Variants in LAMP3 observed in about 807,000 individuals in gnomAD.
The protein encoded by LAMP3 is lysosome-associated membrane glycoprotein 3.
A neutral mutation model predicts 34.8 loss-of-function variants in LAMP3; 26 were observed. That is an observed-to-expected ratio of 0.75 (90% confidence interval 0.55 to 1.04). The LOEUF (loss-of-function observed/expected upper bound fraction) is 1.04. Among genes scored for constraint, LAMP3 ranks in the 50% least tolerant of loss-of-function variants. The pLI is 0.00. For missense variants in LAMP3, 495 were observed against 524.0 expected, an observed-to-expected ratio of 0.94 and a Z score of 0.54; for synonymous variants, 180 against 201.9, an observed-to-expected ratio of 0.89 and a Z score of 0.92.
intron 5 of LAMP3, among the ~76,000 whole-genome samples, chr3:183,126,262 C>G (rs1719776917): frequency 8.0e-6 from 1 of 124,344 alleles, no homozygotes; most frequent in South Asian, 2.5e-4. Flanking sequence ...ACAGAAGTTC[C>G]TTAAGCTCCG....
At chr3:183,141,717 G>T (rs1720290263) in intron 3 of LAMP3, among the ~76,000 whole-genome samples, 1 of 152,168 alleles carries the variant, frequency 6.6e-6, no homozygotes, top group Admixed American at 6.5e-5. Context: ...CATTGATACT[G>T]ATACACTGAG....
rs111747229 is a variant in LAMP3, at chr3:183,126,534, A to ATGTGTGTG, written c.1118-2328_1118-2321dup. Among the ~76,000 whole-genome samples, 294 of 149,740 alleles carry ATGTGTGTG rather than the reference A, an allele frequency of 2.0e-3. 1 individual carries two copies. The highest frequency in any genetic ancestry group is 6.2e-3 in the African/African-American group (254 of 40,788). ...TTTTGGGCATGTAGTTCCTCTGTGA[A>ATGTGTGTG]TGTGTGTGTGTGTGTGTGTGTGTGT... On this transcript the variant is annotated intron_variant, in intron 5 of 5. Transcript: ENST00000265598.
In LAMP3 at chr3:183,123,808, A is replaced by T. The variant is rs1719721692; in HGVS notation, c.*273T>A. 2.5e-6 allele frequency: 1 copy of T among 397,494 alleles called. No homozygotes were observed. The highest frequency in any genetic ancestry group is 2.6e-5 in the South Asian group (1 of 37,960). 24.6% of individuals were successfully genotyped at this position (397,494 alleles called of 1,614,324 possible). On this transcript the variant is annotated 3_prime_UTR_variant, in exon 6 of 6. Transcript: ENST00000265598. Reference sequence around the variant, plus strand: ...TTTACATATATTATGTTAATTCAACATATCTCAAATGTTGACTTTGAGTGG... The same window carrying T: ...TTTACATATATTATGTTAATTCAACTTATCTCAAATGTTGACTTTGAGTGG...
At chr3:183,160,099 A>G (rs1009254960) in intron 1 of LAMP3, among the ~76,000 whole-genome samples, 1 of 152,232 alleles carries the variant, frequency 6.6e-6, no homozygotes, top group African/African-American at 2.4e-5. Flanking sequence ...AAGAGTAACA[A>G]GCAACTATCT....
chr3:183,159,348 A>G (rs1476971553), intron 1 of LAMP3, among the ~76,000 whole-genome samples: 4 of 152,202 alleles, frequency 2.6e-5, no homozygotes, highest in African/African-American at 9.7e-5. Context: ...GAAGTCTTGT[A>G]TGTCTGGAGA....
chr3:183,148,329 A>G, intron 3 of LAMP3, among the ~76,000 whole-genome samples: 1 of 152,232 alleles, frequency 6.6e-6, no homozygotes, highest in Non-Finnish European at 1.5e-5. Context: ...GGATTACATC[A>G]AGTTAAAATG....
At chr3:183,142,347 C>T (rs546000598) in intron 3 of LAMP3, among the ~76,000 whole-genome samples, 7 of 151,960 alleles carry the variant, frequency 4.6e-5, no homozygotes, top group Non-Finnish European at 8.8e-5. Context: ...TGAGGAGCAG[C>T]AGAATAGTGA....
chr3:183,129,475 A>G (rs1458179065), intron 5 of LAMP3, among the ~76,000 whole-genome samples: 1 of 152,074 alleles, frequency 6.6e-6, no homozygotes, highest in Admixed American at 6.6e-5. Context: ...TGCTTTAATC[A>G]TAAGGTTTAT....
intron 1 of LAMP3, among the ~76,000 whole-genome samples, chr3:183,156,399 T>C (rs989711337): frequency 6.6e-5 from 9 of 137,306 alleles, no homozygotes; most frequent in Admixed American, 2.9e-4. Context: ...ACGATGTCTT[T>C]AGGAGTCTGT....
intron 5 of LAMP3, among the ~76,000 whole-genome samples, chr3:183,128,076 A>T (rs1230298425): frequency 6.7e-6 from 1 of 149,920 alleles, no homozygotes; most frequent in African/African-American, 2.5e-5. Context: ...TGAACCTGGG[A>T]GGCGGAGCTT....
rs375815479 is a variant in LAMP3 at position 183,125,831 on chromosome 3, C to T, written c.1118-1617G>A. Reference sequence around the variant, plus strand: ...CTCTTGGGACTAGGGGTGTGTGCTACCATGCTGGGCCAATTTTTTATTTTT... The same window carrying T: ...CTCTTGGGACTAGGGGTGTGTGCTATCATGCTGGGCCAATTTTTTATTTTT... On this transcript the variant is annotated intron_variant, in intron 5 of 5. Transcript: ENST00000265598. 9.2e-5 allele frequency among the ~76,000 whole-genome samples: 14 copies of T among 152,200 alleles called. No homozygotes were observed. The East Asian group carries it at 2.7e-3, about 29-fold the overall frequency.
Position 183,126,453 on chromosome 3 carries a change from G to A in LAMP3, c.1118-2239C>T, listed in dbSNP as rs537779890. Among the ~76,000 whole-genome samples, 5 of 152,140 alleles carry A rather than the reference G, an allele frequency of 3.3e-5. No individual in the cohort carries two copies. In the South Asian group the frequency reaches 1.0e-3, roughly 32 times the overall value. The stretch of plus-strand genomic sequence containing the variant: ...AATGCAAAAGAGTACACAAAGAAAA[G>A]AAGTGACTGATCCAATCACCCCATT... On this transcript the variant is annotated intron_variant, in intron 5 of 5. Transcript: ENST00000265598.
intron 1 of LAMP3, among the ~76,000 whole-genome samples, chr3:183,156,461 G>A (rs943857496): frequency 2.6e-5 from 4 of 152,180 alleles, no homozygotes; most frequent in African/African-American, 9.7e-5. Context: ...TGGTTTCTCA[G>A]TGTTTACCCA....
intron 1 of LAMP3, among the ~76,000 whole-genome samples, chr3:183,157,250 A>G (rs1720848097): frequency 6.6e-6 from 1 of 152,106 alleles, no homozygotes; most frequent in African/African-American, 2.4e-5. Flanking sequence ...TTAAATCGAA[A>G]ATATCCATTT....
intron 3 of LAMP3, among the ~76,000 whole-genome samples, chr3:183,145,511 T>A (rs1720412626): frequency 6.6e-6 from 1 of 152,142 alleles, no homozygotes; most frequent in Non-Finnish European, 1.5e-5. Context: ...CAAGGTTAAG[T>A]GACTGATTTT....
At chr3:183,162,188 T>TA (rs71185636) in intron 1 of LAMP3, among the ~76,000 whole-genome samples, 145 of 144,040 alleles carry the variant, frequency 1.0e-3, no homozygotes, top group African/African-American at 1.7e-3. Context: ...AATGATCATT[T>TA]AAAAAAAAAA....
At position 183,137,598 on chromosome 3, in the gene LAMP3, G is replaced by A. The variant is rs144204342; in HGVS notation, c.947-1711C>T. On this transcript the variant is annotated intron_variant, in intron 4 of 5. Transcript: ENST00000265598. ...TTCTCTGTGTACACTGCCGGGTCAC[G>A]TGTTATATCCTGGGTAGTCTGCTAC... is the stretch of plus-strand genomic sequence containing the variant. 4.5e-3 allele frequency among the ~76,000 whole-genome samples: 690 copies of A among 152,222 alleles called. 7 individuals carry two copies. The highest frequency in any genetic ancestry group is 0.016 in the African/African-American group (656 of 41,532).
intron 5 of LAMP3, among the ~76,000 whole-genome samples, chr3:183,126,419 C>G (rs1481400970): frequency 6.6e-6 from 1 of 152,124 alleles, no homozygotes; most frequent in Non-Finnish European, 1.5e-5. Flanking sequence ...ATTGTTTAAA[C>G]ATTTCTAAAA....
chr3:183,147,261 AT>A (rs1314894086), intron 3 of LAMP3, among the ~76,000 whole-genome samples: 4 of 144,900 alleles, frequency 2.8e-5, no homozygotes, highest in African/African-American at 1.0e-4. Flanking sequence ...GAAAAAAAAA[AT>A]ATTGAACAAC....
Sources: gnomAD v4.1 joint callset for allele counts (sites outside exome capture counted in the v4.1 genomes callset) on GRCh38, gnomAD v4.1.1 for gene constraint, MANE v1.5 for transcripts, NCBI Gene and HGNC (gene_info 2026-07-23, HGNC 2026-07-21) for gene names.